DHX9: variants seen among roughly 807,000 people sequenced by gnomAD.
DHX9 encodes the protein ATP-dependent RNA helicase A.
In DHX9, 27 loss-of-function variants were observed where a neutral mutation model predicts 148.7. That is an observed-to-expected ratio of 0.18 (90% confidence interval 0.13 to 0.25). The LOEUF is 0.25. Ranked by LOEUF, DHX9 falls within the 10% of genes least tolerant of loss-of-function variation. The pLI is 1.00. For missense variants in DHX9, 796 were observed against 1,559.6 expected, an observed-to-expected ratio of 0.51 and a Z score of 8.25; for synonymous variants, 529 against 516.6, an observed-to-expected ratio of 1.02 and a Z score of -0.33.
At position 182,859,973 on chromosome 1, in the gene DHX9, G is replaced by T; in HGVS notation, c.1141-20G>T. 1 of 1,596,112 alleles carries T rather than the reference G, an allele frequency of 6.3e-7. No homozygotes were observed. The highest frequency in any genetic ancestry group is 8.5e-7 in the Non-Finnish European group (1 of 1,171,858). ...ATGTGTTGGTAGACATTTGACTGAA[G>T]TGTGACTTTTCTAATGCAGATCTTG... On this transcript the variant is annotated intron_variant, in intron 11 of 27. Transcript: ENST00000367549.
In DHX9 at chr1:182,872,512, T is replaced by C. The variant is rs1422422735; in HGVS notation, c.1714+19T>C. On this transcript the variant is annotated intron_variant, in intron 15 of 27. Coordinates refer to ENST00000367549, the MANE Select transcript of DHX9 (RefSeq NM_001357.5). Reference sequence around the variant, plus strand: ...GTTCAAGGTAATATTGTGGGGGTGGTATAGGAACATCTTTTGTGCAATAGG... The same window carrying C: ...GTTCAAGGTAATATTGTGGGGGTGGCATAGGAACATCTTTTGTGCAATAGG... 6.2e-7 allele frequency: 1 copy of C among 1,606,078 alleles called. No homozygotes were observed. The highest frequency in any genetic ancestry group is 8.5e-7 in the Non-Finnish European group (1 of 1,176,660).
At chr1:182,882,599 G>A (rs1001109364) in intron 24 of DHX9, among the ~76,000 whole-genome samples, 17 of 152,140 alleles carry the variant, frequency 1.1e-4, no homozygotes, top group African/African-American at 4.1e-4. Flanking sequence ...GGGCGCAGTG[G>A]CTCACACCTG....
At chr1:182,869,177 A>G (rs968220283) in intron 14 of DHX9, among the ~76,000 whole-genome samples, 1 of 152,208 alleles carries the variant, frequency 6.6e-6, no homozygotes, top group Non-Finnish European at 1.5e-5. Context: ...TAATCCTAGC[A>G]CTTTGGGAGG....
chr1:182,863,698 A>G (rs1409328413), intron 12 of DHX9, among the ~76,000 whole-genome samples: 2 of 152,158 alleles, frequency 1.3e-5, no homozygotes, highest in Admixed American at 6.5e-5. Flanking sequence ...AAAGGTTTAA[A>G]TAGTCATTGA....
intron 2 of DHX9, 87 bp downstream of exon 2, chr1:182,842,764 A>C: frequency 9.7e-7 from 1 of 1,026,950 alleles, no homozygotes; most frequent in South Asian, 1.6e-5. Context: ...GGAGATGTTA[A>C]TGTGTTGCAC....
intron 27 of DHX9, 86 bp downstream of exon 27, chr1:182,884,899 C>T: frequency 3.9e-6 from 5 of 1,275,866 alleles, no homozygotes; most frequent in East Asian, 2.3e-5. Flanking sequence ...GTGATAGAAG[C>T]CCTATTACTT....
chr1:182,858,929 G>A (rs749185209), intron 10 of DHX9, 35 bp downstream of exon 10: 3 of 1,612,530 alleles, frequency 1.9e-6, no homozygotes, highest in East Asian at 4.5e-5. Context: ...TCAGAGTCTT[G>A]TGTTTTACTC....
rs1224653995 is a variant in DHX9, at chr1:182,887,298, T to C, written c.3677T>C (p.Phe1226Ser). The change falls in exon 28 of 28, where the codon TTT becomes TCT. Residue 1226 changes from phenylalanine (F) to serine (S), a missense_variant. Phe to Ser is a radical substitution (Grantham distance 155). This residue lies in a region of DHX9 where 98 missense variants were observed against 105.5 expected (regional missense o/e 0.93). Transcript: ENST00000367549. ...GGYRGVSRGG[F>S]RGNSGGDYRG... ...TATAGAGGAGTTTCCCGAGGTGGCTTTAGAGGCAACTCTGGAGGAGACTAC... is the reference window on the plus strand; with the variant it reads ...TATAGAGGAGTTTCCCGAGGTGGCTCTAGAGGCAACTCTGGAGGAGACTAC... 1 of 1,613,876 alleles carries C rather than the reference T, an allele frequency of 6.2e-7. No homozygotes were observed. The highest frequency in any genetic ancestry group is 1.3e-5 in the African/African-American group (1 of 74,856).
At position 182,887,259 on chromosome 1, in the gene DHX9, G is replaced by A. The variant is rs2102625381; in HGVS notation, c.3638G>A (p.Gly1213Asp). 8.7e-6 allele frequency: 14 copies of A among 1,614,188 alleles called. No homozygotes were observed. The highest frequency in any genetic ancestry group is 1.6e-4 in the Middle Eastern group (1 of 6,062). Residue 1213 changes from glycine (G) to aspartate (D), a missense_variant, in exon 28 of 28, where the codon GGT (glycine) becomes GAT (aspartate). Coordinates refer to ENST00000367549, the MANE Select transcript of DHX9 (RefSeq NM_001357.5). ...TCCTTTCGGGCAGGATATGGTGCAG[G>A]TGTTGGTGGAGGCTATAGAGGAGTT... ...ANSFRAGYGA[G>D]VGGGYRGVSR...
At chr1:182,881,006 G>A (rs1649061764) in intron 22 of DHX9, among the ~76,000 whole-genome samples, 1 of 152,166 alleles carries the variant, frequency 6.6e-6, no homozygotes, top group African/African-American at 2.4e-5. Context: ...TTGGTATGAT[G>A]GGGAAGAGAG....
At chr1:182,884,482 GT>G (rs543788754) in intron 26 of DHX9, 130 bp from the exon 27 acceptor site, 13,013 of 629,342 alleles carry the variant, frequency 0.021, 67 homozygotes, top group Non-Finnish European at 0.024. Flanking sequence ...ATTATAAGTA[GT>G]TTTTTTTTTT....
intron 1 of DHX9, among the ~76,000 whole-genome samples, chr1:182,841,726 C>T (rs1054128424): frequency 6.6e-6 from 1 of 152,198 alleles, no homozygotes; most frequent in African/African-American, 2.4e-5. Context: ...ATTTTATTTT[C>T]TCTGGTTATA....
At chr1:182,879,898 A>G (rs1382751042) in intron 21 of DHX9, among the ~76,000 whole-genome samples, 1 of 151,860 alleles carries the variant, frequency 6.6e-6, no homozygotes, top group Non-Finnish European at 1.5e-5. Context: ...GCTAATTTTT[A>G]TATTTTACTA....
chr1:182,883,733 C>CT, intron 26 of DHX9, 98 bp downstream of exon 26: 1 of 758,218 alleles, frequency 1.3e-6, no homozygotes, highest in Non-Finnish European at 2.1e-6. Flanking sequence ...CTAATTATAT[C>CT]TAACTTAATT....
chr1:182,872,212 C>G, intron 14 of DHX9, 125 bp from the exon 15 acceptor site: 1 of 735,094 alleles, frequency 1.4e-6, no homozygotes, highest in East Asian at 2.6e-5. Context: ...TTTATCTTGG[C>G]ACTTCTGTGA....
intron 3 of DHX9, among the ~76,000 whole-genome samples, chr1:182,847,926 C>T (rs1668061300): frequency 6.6e-6 from 1 of 152,174 alleles, no homozygotes; most frequent in African/African-American, 2.4e-5. Flanking sequence ...CTTACAGGAA[C>T]TTACTTGGCT....
At chr1:182,883,977 A>G (rs1298222473) in intron 26 of DHX9, among the ~76,000 whole-genome samples, 1 of 152,212 alleles carries the variant, frequency 6.6e-6, no homozygotes, top group Non-Finnish European at 1.5e-5. Flanking sequence ...TTGAAAACCT[A>G]GAAAATGCCA....
intron 8 of DHX9, 75 bp from the exon 9 acceptor site, chr1:182,858,476 G>GT: frequency 7.8e-7 from 1 of 1,281,182 alleles, no homozygotes; most frequent in African/African-American, 1.5e-5. Context: ...TGTAGACCTA[G>GT]TGTTGACTGT....
intron 25 of DHX9, 27 bp downstream of exon 25, chr1:182,883,395 T>A (rs765194444): frequency 2.5e-6 from 4 of 1,599,452 alleles, no homozygotes; most frequent in Non-Finnish European, 3.4e-6. Context: ...AAAGTTTACA[T>A]TGAAAGTTGA....
Sources: allele counts gnomAD v4.1 joint callset (sites outside exome capture counted in the v4.1 genomes callset), GRCh38; gene constraint gnomAD v4.1.1; regional missense constraint gnomAD v4.1.1; transcripts MANE v1.5; gene names NCBI Gene and HGNC (gene_info 2026-07-23, HGNC 2026-07-21).